The following DLG2 variants were observed in gnomAD, a reference collection of about 807,000 sequenced individuals.
The protein encoded by DLG2 is discs large MAGUK scaffold protein 2, also known as disks large homolog 2.
Under a neutral mutation model 132.5 loss-of-function variants are expected in DLG2, and 45 were observed. That is an observed-to-expected ratio of 0.34 (90% CI 0.27 to 0.44). The LOEUF is 0.44. Among genes scored for constraint, DLG2 ranks in the 20% least tolerant of loss-of-function variants. The pLI is 1.00. For synonymous variants in DLG2, 424 were observed against 419.6 expected (o/e 1.01, Z -0.13); for missense variants, 1,045 against 1,196.9 (o/e 0.87, Z 1.87).
chr11:84,344,015 T>C (rs1170266181), intron 7 of DLG2, among the ~76,000 whole-genome samples: 1 of 152,188 alleles, frequency 6.6e-6, no homozygotes, highest in Non-Finnish European at 1.5e-5. Context: ...CCCAGATTCA[T>C]GCAGAGTGAG....
In DLG2 at chr11:83,621,302, A is replaced by G. The variant is rs546327220; in HGVS notation, c.1940+11909T>C. Among the ~76,000 whole-genome samples, 4 of 151,986 alleles carry G rather than the reference A, an allele frequency of 2.6e-5. No homozygotes were observed. In the South Asian group the frequency reaches 8.3e-4, roughly 32 times the overall value. ...TAATTGTAATGTTGCCAGTCAGGGG[A>G]ATTTACAAATCTTGCACCCTCTGAA... On this transcript the variant is annotated intron_variant, in intron 19 of 27. Coordinates refer to ENST00000376104, the MANE Select transcript of DLG2 (RefSeq NM_001142699.3).
chr11:84,637,489 C>A (rs1343574054), intron 6 of DLG2, among the ~76,000 whole-genome samples: 1 of 152,096 alleles, frequency 6.6e-6, no homozygotes, highest in African/African-American at 2.4e-5. Flanking sequence ...CTGATAAATG[C>A]CTGAAAGAAC....
At position 84,391,073 on chromosome 11, in the gene DLG2, A is replaced by C. The variant is rs117621440; in HGVS notation, c.520-139782T>G. Among the ~76,000 whole-genome samples, 24 of 152,274 alleles carry C rather than the reference A, an allele frequency of 1.6e-4. 1 individual carries two copies. In the East Asian group the frequency reaches 4.6e-3, roughly 29 times the overall value. ...CCATCCTACCTACACACAAGGTTGA[A>C]AGTTGAGGGATACACCTATATTCAG... is the stretch of plus-strand genomic sequence containing the variant. On this transcript the variant is annotated intron_variant, in intron 7 of 27. Transcript: ENST00000376104.
At chr11:84,057,265 C>T (rs531510427) in intron 11 of DLG2, among the ~76,000 whole-genome samples, 1 of 152,264 alleles carries the variant, frequency 6.6e-6, no homozygotes, top group Admixed American at 6.5e-5. Context: ...CTCTGGATGA[C>T]CTCCAGCTGC....
intron 7 of DLG2, among the ~76,000 whole-genome samples, chr11:84,325,064 T>C (rs1397840736): frequency 6.6e-6 from 1 of 152,182 alleles, no homozygotes; most frequent in Non-Finnish European, 1.5e-5. Context: ...TTGAGTAGAA[T>C]GGTGAGAGTG....
intron 6 of DLG2, among the ~76,000 whole-genome samples, chr11:84,982,097 C>G (rs1370571000): frequency 6.6e-6 from 1 of 152,148 alleles, no homozygotes; most frequent in African/African-American, 2.4e-5. Context: ...GCTAAAGTCT[C>G]TCTACTTTGT....
intron 11 of DLG2, among the ~76,000 whole-genome samples, chr11:84,048,982 G>A (rs1366237142): frequency 2.6e-5 from 4 of 151,592 alleles, no homozygotes; most frequent in Non-Finnish European, 3.0e-5. Flanking sequence ...TTCATTCAGT[G>A]TTCATTCTCA....
At chr11:83,887,195 C>A (rs1389376420) in intron 15 of DLG2, among the ~76,000 whole-genome samples, 1 of 151,998 alleles carries the variant, frequency 6.6e-6, no homozygotes, top group African/African-American at 2.4e-5. Flanking sequence ...AATTGATAGA[C>A]CACTAGCAAG....
chr11:85,033,297 C>T (rs2061174778), intron 6 of DLG2, among the ~76,000 whole-genome samples: 1 of 150,886 alleles, frequency 6.6e-6, no homozygotes, highest in African/African-American at 2.4e-5. Flanking sequence ...AGAGAATATC[C>T]CCTGGAAATT....
chr11:84,581,315 C>A (rs1401288787), intron 6 of DLG2, among the ~76,000 whole-genome samples: 1 of 152,112 alleles, frequency 6.6e-6, no homozygotes, highest in East Asian at 1.9e-4. Context: ...CTCATTCCAG[C>A]CAGGCCTTTC....
At chr11:84,456,839 C>G (rs757162713) in intron 7 of DLG2, among the ~76,000 whole-genome samples, 84 of 151,206 alleles carry the variant, frequency 5.6e-4, no homozygotes, top group Admixed American at 4.5e-3. Context: ...TAGAAGGATG[C>G]TTGATGTATT....
intron 6 of DLG2, among the ~76,000 whole-genome samples, chr11:84,741,515 C>G (rs183639013): frequency 1.3e-5 from 2 of 152,128 alleles, no homozygotes; most frequent in Admixed American, 1.3e-4. Context: ...ACCACCACCA[C>G]AAACTCTCTC....
rs138645215 is a variant in DLG2 at position 84,798,350 on chromosome 11, T to G, written c.358-263619A>C. On this transcript the variant is annotated intron_variant, in intron 6 of 27. Transcript: ENST00000376104. ...AAAAACCATCAAAATTTTCCTGGTA[T>G]TCTATTCTACTGTCACTAAGCTGGC... Among the ~76,000 whole-genome samples the G allele has an allele frequency of 3.3e-5, 5 of 152,252 alleles. No homozygotes were observed. The East Asian group carries it at 5.8e-4, about 18-fold the overall frequency.
chr11:84,302,632 G>A (rs1476619255), intron 7 of DLG2, among the ~76,000 whole-genome samples: 3 of 151,910 alleles, frequency 2.0e-5, no homozygotes, highest in Non-Finnish European at 4.4e-5. Context: ...GGAATTACAG[G>A]TGACTTTTAA....
intron 6 of DLG2, among the ~76,000 whole-genome samples, chr11:84,686,104 A>G (rs1260311459): frequency 6.6e-6 from 1 of 152,170 alleles, no homozygotes; most frequent in Non-Finnish European, 1.5e-5. Context: ...TAGTGAGTCA[A>G]TCGTTTTCAT....
intron 19 of DLG2, among the ~76,000 whole-genome samples, chr11:83,579,446 C>T (rs1395289821): frequency 6.6e-6 from 1 of 152,172 alleles, no homozygotes; most frequent in Non-Finnish European, 1.5e-5. Context: ...GATATCGCCA[C>T]ATTCCTGTGA....
At chr11:84,355,915 C>T (rs138266694) in intron 7 of DLG2, among the ~76,000 whole-genome samples, 30 of 151,982 alleles carry the variant, frequency 2.0e-4, no homozygotes. Context: ...GAATGTTATA[C>T]CTGAGTTACA....
intron 6 of DLG2, among the ~76,000 whole-genome samples, chr11:84,979,572 C>T (rs1395962225): frequency 2.6e-5 from 4 of 151,970 alleles, no homozygotes; most frequent in South Asian, 2.1e-4. Context: ...AACCAAACAC[C>T]GCATGTTCTC....
rs1317820507 is a variant in DLG2, at chr11:83,598,328, A to G, written c.1940+34883T>C. Among the ~76,000 whole-genome samples, 10 of 152,248 alleles carry G rather than the reference A, an allele frequency of 6.6e-5. No individual in the cohort carries two copies. In the South Asian group the frequency reaches 2.1e-3, roughly 31 times the overall value. On this transcript the variant is annotated intron_variant, in intron 19 of 27. Coordinates refer to ENST00000376104, the MANE Select transcript of DLG2 (RefSeq NM_001142699.3). Reference sequence around the variant, plus strand: ...AACGTTTCAGAAACTCCTGAGCACCATCTTAAAGTGAAAGATGGGACAACA... The same window carrying G: ...AACGTTTCAGAAACTCCTGAGCACCGTCTTAAAGTGAAAGATGGGACAACA...
Sources: allele counts gnomAD v4.1 joint callset (sites outside exome capture counted in the v4.1 genomes callset), GRCh38; gene constraint gnomAD v4.1.1; transcripts MANE v1.5; gene names NCBI Gene and HGNC (gene_info 2026-07-23, HGNC 2026-07-21).